Variants in ANKIB1 observed in about 807,000 individuals in gnomAD.
ANKIB1 encodes the protein ankyrin repeat and IBR domain-containing protein 1.
In ANKIB1, 43 loss-of-function variants were observed where a neutral mutation model predicts 122.1. The ratio of observed to expected loss-of-function variants is 0.35; its 90% confidence interval spans 0.28 to 0.45. The LOEUF (loss-of-function observed/expected upper bound fraction) is 0.45. ANKIB1 is among the 20% of genes least tolerant of loss of function. ANKIB1 has a pLI of 1.00. For synonymous variants in ANKIB1, 390 were observed against 442.0 expected (o/e 0.88, Z 1.48); for missense variants, 992 against 1,329.5 (o/e 0.75, Z 3.95).
chr7:92,358,505 A>G (rs1330572902), intron 9 of ANKIB1, among the ~76,000 whole-genome samples: 1 of 149,484 alleles, frequency 6.7e-6, no homozygotes, highest in Non-Finnish European at 1.5e-5. Context: ...AGCCAAGCAC[A>G]TTGATAAGCA....
chr7:92,252,894 C>A (rs1437875668), intron 1 of ANKIB1, among the ~76,000 whole-genome samples: 3 of 151,616 alleles, frequency 2.0e-5, no homozygotes, highest in Non-Finnish European at 4.4e-5. Context: ...CTCCAAGGAG[C>A]CCTATTTTTG....
At chr7:92,330,398 T>C (rs1194464139) in intron 5 of ANKIB1, among the ~76,000 whole-genome samples, 1 of 152,130 alleles carries the variant, frequency 6.6e-6, no homozygotes, top group Non-Finnish European at 1.5e-5. Context: ...AAGCCAAAAA[T>C]GTTTTTTTAT....
intron 1 of ANKIB1, among the ~76,000 whole-genome samples, chr7:92,260,988 A>G (rs1022029962): frequency 7.2e-5 from 11 of 152,158 alleles, no homozygotes; most frequent in Admixed American, 2.6e-4. Flanking sequence ...TTGACTTCCA[A>G]CATTTACTCT....
intron 1 of ANKIB1, among the ~76,000 whole-genome samples, chr7:92,282,367 C>T (rs921800977): frequency 6.6e-6 from 1 of 152,114 alleles, no homozygotes; most frequent in African/African-American, 2.4e-5. Flanking sequence ...GTTGCCCAGG[C>T]TGGTCTTGCC....
At chr7:92,346,633 G>T (rs189840659) in intron 7 of ANKIB1, among the ~76,000 whole-genome samples, 1 of 152,138 alleles carries the variant, frequency 6.6e-6, no homozygotes, top group Non-Finnish European at 1.5e-5. Context: ...TATCCTTAAC[G>T]CAGTTGTGGA....
intron 3 of ANKIB1, among the ~76,000 whole-genome samples, chr7:92,313,120 A>G (rs1473919590): frequency 2.6e-5 from 4 of 152,178 alleles, no homozygotes; most frequent in Non-Finnish European, 4.4e-5. Flanking sequence ...CTTTGTGAAA[A>G]GCATTTTTTT....
intron 7 of ANKIB1, among the ~76,000 whole-genome samples, chr7:92,350,182 C>T (rs1446355057): frequency 6.6e-6 from 1 of 151,778 alleles, no homozygotes; most frequent in African/African-American, 2.4e-5. Context: ...AAAAGAAAAC[C>T]TATAAACCTA....
At chr7:92,276,399 C>T (rs1801905725) in intron 1 of ANKIB1, among the ~76,000 whole-genome samples, 1 of 152,144 alleles carries the variant, frequency 6.6e-6, no homozygotes, top group Admixed American at 6.5e-5. Context: ...TTTAAAAATT[C>T]CTGTCTCCAC....
At chr7:92,387,138 CAGAG>C (rs767153922) in intron 12 of ANKIB1, among the ~76,000 whole-genome samples, 1 of 152,146 alleles carries the variant, frequency 6.6e-6, no homozygotes, top group Non-Finnish European at 1.5e-5. Context: ...CCAGAAAAGA[CAGAG>C]AGACCTCTGG....
chr7:92,388,711 A>G (rs1804722107), intron 14 of ANKIB1, among the ~76,000 whole-genome samples: 1 of 152,228 alleles, frequency 6.6e-6, no homozygotes, highest in South Asian at 2.1e-4. Flanking sequence ...TATGAAAAGT[A>G]CATTTTAAGG....
rs1001648076 is a variant in ANKIB1, at chr7:92,400,717, G to A, written c.*1768G>A. On this transcript the variant is annotated 3_prime_UTR_variant, in exon 20 of 20. Coordinates refer to ENST00000265742, the MANE Select transcript of ANKIB1 (RefSeq NM_019004.2). ...AACTGTGGGAATCCTCCTATGCCAT[G>A]GATATCAAAGGTCCACATTAGTTTT... is the stretch of plus-strand genomic sequence containing the variant. The A allele has an allele frequency of 1.3e-5, 2 of 151,926 alleles. No individual in the cohort carries two copies. The highest frequency in any genetic ancestry group is 2.9e-5 in the Non-Finnish European group (2 of 67,998). 9.4% of individuals were successfully genotyped at this position (151,926 alleles called of 1,614,324 possible).
chr7:92,270,725 A>G (rs932841403), intron 1 of ANKIB1, among the ~76,000 whole-genome samples: 10 of 130,064 alleles, frequency 7.7e-5, no homozygotes, highest in Non-Finnish European at 1.4e-4. Context: ...TTCCATCGCT[A>G]TAGTTTTTTT....
chr7:92,259,716 G>C (rs539361795), intron 1 of ANKIB1, among the ~76,000 whole-genome samples: 48 of 152,160 alleles, frequency 3.2e-4, no homozygotes, highest in African/African-American at 1.0e-3. Flanking sequence ...AATGTAACTT[G>C]TTCAAATATA....
At chr7:92,367,989 C>G (rs1049324351) in intron 10 of ANKIB1, among the ~76,000 whole-genome samples, 1 of 152,012 alleles carries the variant, frequency 6.6e-6, no homozygotes, top group Admixed American at 6.6e-5. Flanking sequence ...GATCCCACCT[C>G]TCCAAAAAAT....
intron 9 of ANKIB1, among the ~76,000 whole-genome samples, chr7:92,361,106 C>T (rs148545164): frequency 6.6e-6 from 1 of 152,080 alleles, no homozygotes; most frequent in African/African-American, 2.4e-5. Context: ...TGGGTTGTTC[C>T]CTCCTCCGAA....
At chr7:92,396,905 G>A (rs1485252468) in intron 18 of ANKIB1, among the ~76,000 whole-genome samples, 1 of 152,080 alleles carries the variant, frequency 6.6e-6, no homozygotes, top group African/African-American at 2.4e-5. Context: ...CCTAGCCTTA[G>A]TTGTCCTGTA....
intron 11 of ANKIB1, among the ~76,000 whole-genome samples, chr7:92,374,787 C>T (rs1302396136): frequency 6.6e-6 from 1 of 150,966 alleles, no homozygotes; most frequent in Non-Finnish European, 1.5e-5. Flanking sequence ...AAATCAGTGA[C>T]TTTAAAACTG....
intron 2 of ANKIB1, among the ~76,000 whole-genome samples, chr7:92,303,603 G>T (rs1323596519): frequency 6.6e-6 from 1 of 152,106 alleles, no homozygotes; most frequent in Non-Finnish European, 1.5e-5. Flanking sequence ...CAGTAACGGG[G>T]TAGGAAGTAG....
intron 1 of ANKIB1, among the ~76,000 whole-genome samples, chr7:92,287,163 T>C (rs1023884392): frequency 5.3e-5 from 8 of 152,250 alleles, no homozygotes; most frequent in South Asian, 2.1e-4. Flanking sequence ...ACCATAGTTA[T>C]CAAAAGTAAG....
Sources: gnomAD v4.1 joint callset for allele counts (sites outside exome capture counted in the v4.1 genomes callset) on GRCh38, gnomAD v4.1.1 for gene constraint, MANE v1.5 for transcripts, NCBI Gene and HGNC (gene_info 2026-07-23, HGNC 2026-07-21) for gene names.